Variants in ITSN2 observed in about 807,000 individuals in gnomAD.
The protein encoded by ITSN2 is intersectin-2.
A neutral mutation model predicts 243.7 loss-of-function variants in ITSN2; 156 were observed. The ratio of observed to expected loss-of-function variants is 0.64; its 90% CI spans 0.56 to 0.73. The LOEUF (loss-of-function observed/expected upper bound fraction) is 0.73, where lower values mean the gene tolerates loss of function less well. Ranked by LOEUF, ITSN2 falls within the 30% of genes least tolerant of loss-of-function variation. The pLI is 0.00. For missense variants in ITSN2, 1,801 were observed against 1,996.1 expected, an observed-to-expected ratio of 0.90 and a Z score of 1.86; for synonymous variants, 703 against 699.9, an observed-to-expected ratio of 1.00 and a Z score of -0.07.
intron 34 of ITSN2, 108 bp from the exon 35 acceptor site, chr2:24,210,141 T>C: frequency 1.4e-6 from 1 of 726,424 alleles, no homozygotes; most frequent in South Asian, 1.7e-5. Flanking sequence ...GTTTTCTAGG[T>C]GGGAATGTGG....
At chr2:24,303,738 G>C (rs927027391) in intron 9 of ITSN2, 61 bp downstream of exon 9, 2 of 1,022,780 alleles carry the variant, frequency 2.0e-6, no homozygotes, top group African/African-American at 3.2e-5. Context: ...ATAGGGGAGA[G>C]AGAGTTTAAT....
At chr2:24,339,680 T>G (rs1246275806) in intron 1 of ITSN2, among the ~76,000 whole-genome samples, 1 of 152,094 alleles carries the variant, frequency 6.6e-6, no homozygotes, top group Non-Finnish European at 1.5e-5. Context: ...CCTGATTTTT[T>G]CTTAAAGATA....
At chr2:24,269,365 T>C (rs1217282747) in intron 20 of ITSN2, among the ~76,000 whole-genome samples, 1 of 152,218 alleles carries the variant, frequency 6.6e-6, no homozygotes, top group Non-Finnish European at 1.5e-5. Context: ...TACTTATATA[T>C]TCCCCCTCTG....
chr2:24,310,190 A>C (rs1186992774), intron 7 of ITSN2, 94 bp downstream of exon 7: 4 of 788,710 alleles, frequency 5.1e-6, no homozygotes, highest in Non-Finnish European at 8.4e-6. Flanking sequence ...TATAAAGTAA[A>C]ACTTAGGTAA....
chr2:24,334,440 TTTTG>T (rs1212507267), intron 1 of ITSN2: 4 of 532,270 alleles, frequency 7.5e-6, no homozygotes, highest in Admixed American at 2.3e-5. Context: ...AGGTTAAAGT[TTTTG>T]TTTGTTAAGA....
chr2:24,223,455 G>A (rs1307324954), intron 29 of ITSN2, among the ~76,000 whole-genome samples: 1 of 151,814 alleles, frequency 6.6e-6, no homozygotes, highest in East Asian at 1.9e-4. Context: ...GAGGCGGGAG[G>A]ATCACTTGTG....
chr2:24,274,713 T>C (rs773704956), intron 18 of ITSN2, among the ~76,000 whole-genome samples: 5 of 152,142 alleles, frequency 3.3e-5, no homozygotes, highest in Non-Finnish European at 7.4e-5. Context: ...AAAAAATGTG[T>C]TGGAGGTGGC....
At position 24,249,082 on chromosome 2, in the gene ITSN2, G is replaced by GA. The variant is rs1259724114; in HGVS notation, c.3121-201_3121-200insT. Among the ~76,000 whole-genome samples, 27 of 152,290 alleles carry GA rather than the reference G, an allele frequency of 1.8e-4. No individual in the cohort carries two copies. The highest frequency in any genetic ancestry group is 6.3e-4 in the African/African-American group (26 of 41,576). On this transcript the variant is annotated intron_variant, in intron 25 of 39. Transcript: ENST00000355123. The surrounding 1 kb of genome is among the most constrained non-coding windows in gnomAD (Gnocchi z 4.4). Reference sequence around the variant, plus strand: ...TTATGAGGAGATCTGGTCTGCTAATGTAATACATTATATACGAGTGGCTGT... The same window carrying GA: ...TTATGAGGAGATCTGGTCTGCTAATGATAATACATTATATACGAGTGGCTGT...
At chr2:24,319,483 T>A (rs906873181) in intron 2 of ITSN2, among the ~76,000 whole-genome samples, 9 of 152,154 alleles carry the variant, frequency 5.9e-5, no homozygotes, top group Non-Finnish European at 1.0e-4. Context: ...ATCAGGAACA[T>A]CAGGAATGAC....
chr2:24,315,774 T>TC (rs1683839965), intron 2 of ITSN2, among the ~76,000 whole-genome samples: 1 of 152,186 alleles, frequency 6.6e-6, no homozygotes, highest in South Asian at 2.1e-4. Flanking sequence ...TTGCTGCTTC[T>TC]CTCTCTCCTG....
Position 24,203,620 on chromosome 2 carries a change from G to A in ITSN2, c.*6C>T. 3 of 1,612,488 alleles carry A rather than the reference G, an allele frequency of 1.9e-6. No homozygotes were observed. The highest frequency in any genetic ancestry group is 2.5e-6 in the Non-Finnish European group (3 of 1,179,174). On this transcript the variant is annotated 3_prime_UTR_variant, in exon 40 of 40. Coordinates refer to ENST00000355123, the MANE Select transcript of ITSN2 (RefSeq NM_006277.3). ...GCTGTCCCGCTGGTGCTGTCCTTTAGAACCCCTACAGGAGAGTTTTTTGCT... is the reference window on the plus strand; with the variant it reads ...GCTGTCCCGCTGGTGCTGTCCTTTAAAACCCCTACAGGAGAGTTTTTTGCT...
chr2:24,345,137 T>A (rs1687403973), intron 1 of ITSN2, among the ~76,000 whole-genome samples: 1 of 152,192 alleles, frequency 6.6e-6, no homozygotes, highest in South Asian at 2.1e-4. Context: ...TACTTCTCAA[T>A]ATAGAACTAG....
chr2:24,358,434 A>T (rs1688652107), intron 1 of ITSN2, among the ~76,000 whole-genome samples: 1 of 152,244 alleles, frequency 6.6e-6, no homozygotes, highest in African/African-American at 2.4e-5. Flanking sequence ...TAAAACACTT[A>T]GCATAGAGTC....
chr2:24,310,182 T>C, intron 7 of ITSN2, 102 bp downstream of exon 7: 2 of 731,934 alleles, frequency 2.7e-6, no homozygotes, highest in South Asian at 3.9e-5. Context: ...TTGGCCATTA[T>C]AAAGTAAAAC....
chr2:24,298,047 C>A (rs376030031), intron 13 of ITSN2, among the ~76,000 whole-genome samples: 1 of 150,366 alleles, frequency 6.7e-6, no homozygotes, highest in East Asian at 2.0e-4. Context: ...TGCAGTGGTG[C>A]GATCTTGGCT....
rs999219345 is a variant in ITSN2 at position 24,301,526 on chromosome 2, CT to C, written c.996-288del. 5.4e-3 allele frequency among the ~76,000 whole-genome samples: 740 copies of C among 137,176 alleles called. 2 individuals carry two copies. Among genetic ancestry groups the C allele is most frequent in the African/African-American group, 0.01 (381 of 37,782 alleles). 90.0% of individuals were successfully genotyped at this position (137,176 alleles called of 152,430 possible). On this transcript the variant is annotated intron_variant, in intron 10 of 39. Transcript: ENST00000355123. The stretch of plus-strand genomic sequence containing the variant: ...TAACATAATGAAAACACATCCACTT[CT>C]TTTTTTTTTTTTTTTTGAGGCAGGG...
chr2:24,357,155 T>C (rs1688522638), intron 1 of ITSN2, among the ~76,000 whole-genome samples: 2 of 152,186 alleles, frequency 1.3e-5, no homozygotes, highest in African/African-American at 2.4e-5. Flanking sequence ...GAAATCATTC[T>C]ACTCTAAAGA....
intron 2 of ITSN2, among the ~76,000 whole-genome samples, chr2:24,322,169 T>C (rs1262690394): frequency 6.6e-6 from 1 of 152,216 alleles, no homozygotes; most frequent in Non-Finnish European, 1.5e-5. Context: ...ACCTCCATTA[T>C]AGCTAACACT....
chr2:24,261,418 A>G, intron 21 of ITSN2, 143 bp downstream of exon 21: 1 of 894,128 alleles, frequency 1.1e-6, no homozygotes, highest in Admixed American at 2.8e-5. Context: ...ACTAAATTTC[A>G]GTATTAAATC....
Sources: allele counts gnomAD v4.1 joint callset (sites outside exome capture counted in the v4.1 genomes callset), GRCh38; gene constraint gnomAD v4.1.1; non-coding constraint Gnocchi (gnomAD v3.1); transcripts MANE v1.5; gene names NCBI Gene and HGNC (gene_info 2026-07-23, HGNC 2026-07-21).